PDCD6: variants seen among roughly 807,000 people sequenced by gnomAD.
PDCD6 encodes programmed cell death protein 6.
A neutral mutation model predicts 28.3 loss-of-function variants in PDCD6; 12 were observed. The ratio of observed to expected loss-of-function variants is 0.42; its 90% CI spans 0.27 to 0.69. The LOEUF is 0.69. PDCD6 is among the 30% of genes least tolerant of loss of function. PDCD6 has a pLI of 0.22. For synonymous variants in PDCD6, 92 were observed against 108.0 expected, an observed-to-expected ratio of 0.85 and a Z score of 0.92; for missense variants, 226 against 269.9, an observed-to-expected ratio of 0.84 and a Z score of 1.14.
intron 5 of PDCD6, among the ~76,000 whole-genome samples, chr5:312,679 G>A (rs886757138): frequency 6.6e-6 from 1 of 152,100 alleles, no homozygotes; most frequent in East Asian, 1.9e-4. Flanking sequence ...GCCTGGTGTC[G>A]CATGCCTGTA....
chr5:279,816 G>A lies in PDCD6; in HGVS notation c.163+7044G>A, dbSNP rs1253365162. On this transcript the variant is annotated intron_variant, in intron 2 of 5. Coordinates refer to ENST00000264933, the MANE Select transcript of PDCD6 (RefSeq NM_013232.4). ...AAAAAAAAAAAAAAAACGAGGAGCCGGTGCTGCAGTTCATTAATAGTAATG... is the reference window on the plus strand; with the variant it reads ...AAAAAAAAAAAAAAAACGAGGAGCCAGTGCTGCAGTTCATTAATAGTAATG... Among the ~76,000 whole-genome samples the A allele has an allele frequency of 2.1e-4, 32 of 149,584 alleles. 1 individual carries two copies. Among genetic ancestry groups the A allele is most frequent in the Admixed American group, 1.5e-3 (22 of 15,012 alleles).
chr5:307,707 G>C lies in PDCD6; in HGVS notation c.367+947G>C, dbSNP rs868078411. On this transcript the variant is annotated intron_variant, in intron 4 of 5. Transcript: ENST00000264933. This position sits in a 1 kb window ranked among gnomAD's most constrained non-coding sequence, Gnocchi z 6.1. The stretch of plus-strand genomic sequence containing the variant: ...GCCGCTTCCGTGATTTGCTTAAAAG[G>C]CTCCTTAGAAACAGTGAGGAAAATT... 2.6e-5 allele frequency among the ~76,000 whole-genome samples: 4 copies of C among 152,112 alleles called. No individual in the cohort carries two copies. Among genetic ancestry groups the C allele is most frequent in the African/African-American group, 9.7e-5 (4 of 41,406 alleles).
At chr5:282,511 C>G (rs1310341292) in intron 2 of PDCD6, among the ~76,000 whole-genome samples, 1 of 149,300 alleles carries the variant, frequency 6.7e-6, no homozygotes, top group African/African-American at 2.5e-5. Flanking sequence ...GCTGAAGACT[C>G]TGGGAGGAGC....
At position 290,241 on chromosome 5, in the gene PDCD6, A is replaced by G. The variant is rs1271281077; in HGVS notation, c.164-13936A>G. On this transcript the variant is annotated intron_variant, in intron 2 of 5. Transcript: ENST00000264933. Reference sequence around the variant, plus strand: ...CCAGTCTTGGCTATATGACAAAGAAACTGATCCAGGACAGGACAAACTTCC... The same window carrying G: ...CCAGTCTTGGCTATATGACAAAGAAGCTGATCCAGGACAGGACAAACTTCC... 1.2e-5 allele frequency: 18 copies of G among 1,534,064 alleles called. No homozygotes were observed. In the Admixed American group the frequency reaches 1.7e-4, roughly 14 times the overall value.
intron 2 of PDCD6, chr5:276,508 T>C (rs1193710796): frequency 1.0e-6 from 1 of 977,718 alleles, no homozygotes; most frequent in Non-Finnish European, 1.2e-6. Flanking sequence ...ACTGTCTTGC[T>C]CAGGCTGGTC....
intron 2 of PDCD6, among the ~76,000 whole-genome samples, chr5:278,100 C>CT (rs1738317637): frequency 6.6e-6 from 1 of 152,118 alleles, no homozygotes; most frequent in Non-Finnish European, 1.5e-5. Context: ...CCTTTGTCCT[C>CT]TTTTTCCTCT....
At chr5:287,530 A>G (rs1433606975) in intron 2 of PDCD6, among the ~76,000 whole-genome samples, 1 of 152,188 alleles carries the variant, frequency 6.6e-6, no homozygotes, top group Non-Finnish European at 1.5e-5. Context: ...ACTAAATGAT[A>G]TTGGTATAAT....
chr5:305,724 C>T lies in PDCD6; in HGVS notation c.209-878C>T, dbSNP rs1206145839. On this transcript the variant is annotated intron_variant, in intron 3 of 5. Coordinates refer to ENST00000264933, the MANE Select transcript of PDCD6 (RefSeq NM_013232.4). This position sits in a 1 kb window ranked among gnomAD's most constrained non-coding sequence, Gnocchi z 4.0. ...CGTATGAAAAACAGCCCCTGGTCCA[C>T]ACACCACACACGTCGTGGAACGGTG... The T allele has an allele frequency of 6.6e-6, 1 of 152,268 alleles. No individual in the cohort carries two copies. Among genetic ancestry groups the T allele is most frequent in the Non-Finnish European group, 1.5e-5 (1 of 68,060 alleles). The allele number at this position is 152,268 out of a possible 1,614,324, so 9.4% of individuals were successfully genotyped here.
intron 2 of PDCD6, among the ~76,000 whole-genome samples, chr5:285,591 G>T (rs939779170): frequency 6.6e-6 from 1 of 151,822 alleles, no homozygotes; most frequent in African/African-American, 2.4e-5. Flanking sequence ...CAGTTTGAGG[G>T]CCCTGCAGCT....
intron 2 of PDCD6, among the ~76,000 whole-genome samples, chr5:299,330 C>G (rs1739872816): frequency 1.5e-5 from 1 of 67,798 alleles, no homozygotes; most frequent in Admixed American, 1.4e-4. Flanking sequence ...CTGTGGCATC[C>G]CCAGTCCTGC....
At chr5:279,240 C>T (rs937980538) in intron 2 of PDCD6, among the ~76,000 whole-genome samples, 4 of 151,988 alleles carry the variant, frequency 2.6e-5, no homozygotes, top group African/African-American at 7.3e-5. Context: ...TTGCCAGGGC[C>T]GGAGGGAGGG....
intron 2 of PDCD6, among the ~76,000 whole-genome samples, chr5:295,143 G>T (rs980897576): frequency 2.0e-5 from 3 of 152,134 alleles, no homozygotes; most frequent in African/African-American, 7.2e-5. Flanking sequence ...GAAGGAGGAA[G>T]GCTGCCACAA....
chr5:272,760 GCT>G lies in PDCD6; in HGVS notation c.157_158del (p.Ser53GlnfsTer8). On this transcript the variant is annotated frameshift_variant, in exon 2 of 6. Coordinates refer to ENST00000264933, the MANE Select transcript of PDCD6 (RefSeq NM_013232.4). ...GATATCAGACACCGAGCTTCAGCAA[GCT>G]CTCTCCAACGGTGAGTGGGCCAGTG... ...GVISDTELQQ[A>X]LSNGTWTPFN... 6.3e-7 allele frequency: 1 copy of G among 1,587,272 alleles called. No homozygotes were observed. Among genetic ancestry groups the G allele is most frequent in the Non-Finnish European group, 8.5e-7 (1 of 1,172,692 alleles).
At chr5:276,306 C>A (rs1463504038) in intron 2 of PDCD6, 2 of 1,106,018 alleles carry the variant, frequency 1.8e-6, no homozygotes, top group Admixed American at 5.0e-5. Flanking sequence ...TGATATGCAC[C>A]TTTTTCCTCA....
chr5:295,795 T>C lies in PDCD6; in HGVS notation c.164-8382T>C, dbSNP rs540602745. 3.4e-5 allele frequency among the ~76,000 whole-genome samples: 5 copies of C among 147,358 alleles called. No individual in the cohort carries two copies. In the East Asian group the frequency reaches 9.8e-4, roughly 29 times the overall value. On this transcript the variant is annotated intron_variant, in intron 2 of 5. Coordinates refer to ENST00000264933, the MANE Select transcript of PDCD6 (RefSeq NM_013232.4). ...CGCTGCTCTCCACACAGAAAGCCAA[T>C]CACTAAGACGATAGTTACTGCCAAT...
intron 2 of PDCD6, among the ~76,000 whole-genome samples, chr5:283,879 CG>C (rs1208176422): frequency 1.3e-5 from 2 of 149,290 alleles, no homozygotes; most frequent in Non-Finnish European, 3.0e-5. Flanking sequence ...GCTGAAGACT[CG>C]GGGAGGAGCT....
At position 275,870 on chromosome 5, in the gene PDCD6, G is replaced by A. The variant is rs571952013; in HGVS notation, c.163+3098G>A. 769 of 436,472 alleles carry A rather than the reference G, an allele frequency of 1.8e-3. 5 individuals carry two copies. Among genetic ancestry groups the A allele is most frequent in the African/African-American group, 0.014 (699 of 49,588 alleles). 27.0% of individuals were successfully genotyped at this position (436,472 alleles called of 1,614,324 possible). On this transcript the variant is annotated intron_variant, in intron 2 of 5. Transcript: ENST00000264933. ...TGCTCCTCACATGTGAGCATTCACC[G>A]TGGCCCTGTGTTTTTCCACCACACC...
intron 2 of PDCD6, chr5:276,007 T>G: frequency 7.8e-7 from 1 of 1,285,398 alleles, no homozygotes; most frequent in Non-Finnish European, 1.0e-6. Context: ...CTTTCATCTC[T>G]GTAGGATGAA....
chr5:295,939 T>G (rs896621820), intron 2 of PDCD6, among the ~76,000 whole-genome samples: 19 of 151,544 alleles, frequency 1.3e-4, no homozygotes, highest in Admixed American at 1.2e-3. Context: ...AAACAGGAAT[T>G]AGGGAGAGTG....
Sources: allele counts gnomAD v4.1 joint callset (sites outside exome capture counted in the v4.1 genomes callset), GRCh38; gene constraint gnomAD v4.1.1; non-coding constraint Gnocchi (gnomAD v3.1); transcripts MANE v1.5; gene names NCBI Gene and HGNC (gene_info 2026-07-23, HGNC 2026-07-21).